The following KCNIP4 variants were observed in gnomAD, a reference collection of about 807,000 sequenced individuals.
KCNIP4 encodes Kv channel-interacting protein 4.
A neutral mutation model predicts 34.0 loss-of-function variants in KCNIP4; 12 were observed. That is an observed-to-expected ratio of 0.35 (90% CI 0.23 to 0.57). The LOEUF (loss-of-function observed/expected upper bound fraction) is 0.57. KCNIP4 is among the 20% of genes least tolerant of loss of function. The probability of loss-of-function intolerance (pLI) is 0.83; values close to 1 mark genes in which losing one functional copy is unlikely to be tolerated. For missense variants in KCNIP4, 238 were observed against 311.7 expected (o/e 0.76, Z 1.78); for synonymous variants, 124 against 102.2 (o/e 1.21, Z -1.29).
Position 21,481,954 on chromosome 4 carries a change from T to C in KCNIP4, c.61+466617A>G, listed in dbSNP as rs148316715. On this transcript the variant is annotated intron_variant, in intron 1 of 8. Transcript: ENST00000382152. ...TATTGTGTGGGAGTCTAAGTCTCTTTGTAGGTCTCTAAGGACTTGCTTTAT... is the reference window on the plus strand; with the variant it reads ...TATTGTGTGGGAGTCTAAGTCTCTTCGTAGGTCTCTAAGGACTTGCTTTAT... Among the ~76,000 whole-genome samples, 1,039 of 152,264 alleles carry C rather than the reference T, an allele frequency of 6.8e-3. 47 individuals carry two copies. The East Asian group carries it at 0.12, about 17-fold the overall frequency.
At position 20,729,404 on chromosome 4, in the gene KCNIP4, T is replaced by A. The variant is rs369929609; in HGVS notation, c.*678A>T. On this transcript the variant is annotated 3_prime_UTR_variant, in exon 9 of 9. Transcript: ENST00000382152. ...TATTATATAGGCCTTGGCTGTAACA[T>A]ATTATGGAAAATTAAATGCTTATTA... 3 of 152,400 alleles carry A rather than the reference T, an allele frequency of 2.0e-5. No individual in the cohort carries two copies. The highest frequency in any genetic ancestry group is 4.4e-5 in the Non-Finnish European group (3 of 67,986). The allele number at this position is 152,400 out of a possible 1,614,324, so 9.4% of individuals were successfully genotyped here.
intron 1 of KCNIP4, among the ~76,000 whole-genome samples, chr4:21,233,798 A>G (rs1286749131): frequency 6.9e-6 from 1 of 145,560 alleles, no homozygotes. Context: ...ATTATTATAT[A>G]TAATATAGTA....
chr4:20,964,584 C>G (rs1734166355), intron 1 of KCNIP4, among the ~76,000 whole-genome samples: 1 of 152,144 alleles, frequency 6.6e-6, no homozygotes, highest in Non-Finnish European at 1.5e-5. Context: ...ATTTCCCCAG[C>G]TACTCAGGGT....
intron 1 of KCNIP4, among the ~76,000 whole-genome samples, chr4:21,686,808 C>T (rs1185755486): frequency 6.6e-6 from 1 of 151,978 alleles, no homozygotes; most frequent in East Asian, 1.9e-4. Context: ...TTTCTAGTAT[C>T]CCATTACTGG....
At chr4:20,958,262 C>T (rs567176724) in intron 1 of KCNIP4, among the ~76,000 whole-genome samples, 218 of 152,288 alleles carry the variant, frequency 1.4e-3, no homozygotes, top group African/African-American at 5.0e-3. Flanking sequence ...TGAAGTTCCT[C>T]TTTCAGAGAA....
At chr4:20,855,471 T>C (rs1721473695) in intron 2 of KCNIP4, among the ~76,000 whole-genome samples, 1 of 152,136 alleles carries the variant, frequency 6.6e-6, no homozygotes, top group Non-Finnish European at 1.5e-5. Context: ...ATGGGTCAGT[T>C]GGAAATGTAG....
At chr4:21,186,388 T>C (rs1231089205) in intron 1 of KCNIP4, among the ~76,000 whole-genome samples, 1 of 152,156 alleles carries the variant, frequency 6.6e-6, no homozygotes, top group South Asian at 2.1e-4. Flanking sequence ...AGAGAGTCTG[T>C]AAAGTCCTCT....
intron 1 of KCNIP4, among the ~76,000 whole-genome samples, chr4:21,491,092 G>A (rs1268339019): frequency 6.6e-6 from 1 of 152,022 alleles, no homozygotes; most frequent in Non-Finnish European, 1.5e-5. Flanking sequence ...TTGCATACAG[G>A]TAGAATATGC....
intron 1 of KCNIP4, among the ~76,000 whole-genome samples, chr4:21,487,359 G>A (rs1434580850): frequency 6.6e-6 from 1 of 152,158 alleles, no homozygotes; most frequent in Non-Finnish European, 1.5e-5. Flanking sequence ...TTTTTGGGAA[G>A]ATGAATGCAG....
At chr4:21,052,969 G>C (rs1371476629) in intron 1 of KCNIP4, among the ~76,000 whole-genome samples, 1 of 151,780 alleles carries the variant, frequency 6.6e-6, no homozygotes, top group Non-Finnish European at 1.5e-5. Flanking sequence ...AGAGATGAGA[G>C]AGAGAAAGAG....
chr4:20,949,428 A>G (rs1374216896), intron 1 of KCNIP4, among the ~76,000 whole-genome samples: 2 of 152,176 alleles, frequency 1.3e-5, no homozygotes, highest in Non-Finnish European at 2.9e-5. Context: ...AACTAGTTCA[A>G]CCATTGTGGA....
chr4:20,827,242 T>C (rs1007723982), intron 3 of KCNIP4, among the ~76,000 whole-genome samples: 5 of 152,170 alleles, frequency 3.3e-5, no homozygotes, highest in Non-Finnish European at 7.4e-5. Context: ...AGGACTGCCA[T>C]GACAAAATAC....
intron 1 of KCNIP4, among the ~76,000 whole-genome samples, chr4:21,352,251 C>T (rs533850880): frequency 6.6e-6 from 1 of 152,292 alleles, no homozygotes; most frequent in Non-Finnish European, 1.5e-5. Flanking sequence ...ACTAAGGTAC[C>T]TGGTTCATAT....
chr4:21,369,412 G>T (rs1331483222), intron 1 of KCNIP4, among the ~76,000 whole-genome samples: 1 of 146,978 alleles, frequency 6.8e-6, no homozygotes, highest in Non-Finnish European at 1.5e-5. Flanking sequence ...TTCTACCATC[G>T]TTTAGGGATA....
At chr4:21,378,224 G>A (rs1358007257) in intron 1 of KCNIP4, among the ~76,000 whole-genome samples, 2 of 152,064 alleles carry the variant, frequency 1.3e-5, no homozygotes, top group African/African-American at 4.8e-5. Context: ...GCTTATATTT[G>A]CTTTTGAAAA....
rs57640974 is a variant in KCNIP4 at position 21,169,648 on chromosome 4, C to T, written c.62-286939G>A. 3.7e-3 allele frequency among the ~76,000 whole-genome samples: 519 copies of T among 141,318 alleles called. 3 individuals carry two copies. Among genetic ancestry groups the T allele is most frequent in the African/African-American group, 0.013 (470 of 37,386 alleles). 92.7% of individuals were successfully genotyped at this position (141,318 alleles called of 152,430 possible). ...TGTTTGGGTTTCATATGTATGTAGT[C>T]ATACTTTATATTTGTGTGTGTGTGT... On this transcript the variant is annotated intron_variant, in intron 1 of 8. Coordinates refer to ENST00000382152, the MANE Select transcript of KCNIP4 (RefSeq NM_025221.6).
At chr4:21,476,856 G>C (rs1056585565) in intron 1 of KCNIP4, among the ~76,000 whole-genome samples, 1 of 152,076 alleles carries the variant, frequency 6.6e-6, no homozygotes, top group Non-Finnish European at 1.5e-5. Flanking sequence ...GTAGAGCACT[G>C]TCTTCTTTGT....
chr4:21,837,345 C>A (rs1185853863), intron 1 of KCNIP4, among the ~76,000 whole-genome samples: 8 of 149,906 alleles, frequency 5.3e-5, no homozygotes, highest in Admixed American at 2.0e-4. Flanking sequence ...ACCAGGCTGG[C>A]CAACATGGTG....
At chr4:21,323,146 A>G (rs1035771342) in intron 1 of KCNIP4, among the ~76,000 whole-genome samples, 9 of 76,926 alleles carry the variant, frequency 1.2e-4, no homozygotes, top group African/African-American at 1.7e-4. Context: ...TTTTGTAAGT[A>G]TATATATATA....
Sources: allele counts gnomAD v4.1 joint callset (sites outside exome capture counted in the v4.1 genomes callset), GRCh38; gene constraint gnomAD v4.1.1; transcripts MANE v1.5; gene names NCBI Gene and HGNC (gene_info 2026-07-23, HGNC 2026-07-21).